The following FOXP2 variants were observed in gnomAD, a reference collection of about 807,000 sequenced individuals.
FOXP2 encodes the protein forkhead box P2.
A neutral mutation model predicts 115.8 loss-of-function variants in FOXP2; 12 were observed. The observed-to-expected ratio is 0.10, with a 90% CI of 0.07 to 0.17. The LOEUF (loss-of-function observed/expected upper bound fraction) is 0.17, where lower values mean the gene tolerates loss of function less well. Among genes scored for constraint, FOXP2 ranks in the 10% least tolerant of loss-of-function variants. The pLI is 1.00. For missense variants in FOXP2, 629 were observed against 843.5 expected, an observed-to-expected ratio of 0.75 and a Z score of 3.15; for synonymous variants, 328 against 297.7, an observed-to-expected ratio of 1.10 and a Z score of -1.05.
chr7:114,271,557 A>G (rs1222715006), intron 1 of FOXP2, among the ~76,000 whole-genome samples: 1 of 127,946 alleles, frequency 7.8e-6, no homozygotes, highest in Non-Finnish European at 1.6e-5. Flanking sequence ...ATTATAATAT[A>G]TAATATATAA....
At position 114,275,967 on chromosome 7, in the gene FOXP2, G is replaced by A. The variant is rs577552660; in HGVS notation, c.-101-12052G>A. 5.3e-4 allele frequency among the ~76,000 whole-genome samples: 81 copies of A among 152,244 alleles called. 1 individual carries two copies. Among genetic ancestry groups the A allele is most frequent in the South Asian group, 3.3e-3 (16 of 4,822 alleles). On this transcript the variant is annotated intron_variant, in intron 1 of 17. Coordinates refer to the FOXP2 transcript ENST00000634411. ...TAGGTGGGAGAGGATGGCTAGCTTG[G>A]GTTGGAGCTGGGCATTTCTTCTCTT...
At chr7:114,460,939 C>T (rs1437026270) in intron 2 of FOXP2, among the ~76,000 whole-genome samples, 2 of 152,184 alleles carry the variant, frequency 1.3e-5, no homozygotes, top group Admixed American at 6.5e-5. Flanking sequence ...CGAATCTTTA[C>T]CATCCCTCCT....
chr7:114,142,269 G>A (rs1357160370), intron 1 of FOXP2, among the ~76,000 whole-genome samples: 7 of 152,094 alleles, frequency 4.6e-5, no homozygotes, highest in South Asian at 2.1e-4. Context: ...TGATCCACCC[G>A]CCTTGGCCTC....
chr7:114,503,977 A>G (rs1299672052), intron 2 of FOXP2, among the ~76,000 whole-genome samples: 1 of 151,684 alleles, frequency 6.6e-6, no homozygotes, highest in Non-Finnish European at 1.5e-5. Flanking sequence ...GCATTAAGAA[A>G]AATGTGGACT....
intron 2 of FOXP2, among the ~76,000 whole-genome samples, chr7:114,483,532 T>C (rs144176098): frequency 7.9e-5 from 12 of 151,838 alleles, no homozygotes; most frequent in African/African-American, 2.9e-4. Flanking sequence ...TTCATTCATA[T>C]ATCCCAACTC....
At chr7:114,437,235 TC>T (rs971040475) in intron 2 of FOXP2, among the ~76,000 whole-genome samples, 15 of 152,154 alleles carry the variant, frequency 9.9e-5, no homozygotes, top group African/African-American at 3.4e-4. Flanking sequence ...TTTAAGTGTT[TC>T]TTTATTTTCA....
At chr7:114,344,868 C>T (rs899084158) in intron 2 of FOXP2, among the ~76,000 whole-genome samples, 8 of 151,596 alleles carry the variant, frequency 5.3e-5, no homozygotes, top group Admixed American at 4.0e-4. Flanking sequence ...AAATTTTACA[C>T]GATCTAGTGG....
At chr7:114,284,214 C>G (rs1796408666) in intron 1 of FOXP2, among the ~76,000 whole-genome samples, 1 of 151,962 alleles carries the variant, frequency 6.6e-6, no homozygotes, top group Non-Finnish European at 1.5e-5. Flanking sequence ...GCAGAGTTAT[C>G]TGACTGCCTA....
intron 6 of FOXP2, among the ~76,000 whole-genome samples, chr7:114,638,370 A>C (rs2129331217): frequency 6.6e-6 from 1 of 152,314 alleles, no homozygotes; most frequent in Admixed American, 6.5e-5. Context: ...GATCTCTTAG[A>C]TTAACAGCAT....
chr7:114,244,881 CCTCCCGAGTAG>C (rs1238152906), intron 1 of FOXP2, among the ~76,000 whole-genome samples: 1 of 151,942 alleles, frequency 6.6e-6, no homozygotes, highest in Non-Finnish European at 1.5e-5. Flanking sequence ...CCTGCCTCAG[CCTCCCGAGTAG>C]CTAGGACTAC....
At chr7:114,297,372 T>G in intron 2 of FOXP2, 1 of 720,194 alleles carries the variant, frequency 1.4e-6, no homozygotes. Flanking sequence ...GCTCACGTTC[T>G]TGGTCACCTT....
At chr7:114,437,218 C>T (rs1382895916) in intron 2 of FOXP2, among the ~76,000 whole-genome samples, 2 of 152,056 alleles carry the variant, frequency 1.3e-5, no homozygotes, top group East Asian at 1.9e-4. Flanking sequence ...AAGTGATTTA[C>T]GTGTGATTTA....
intron 2 of FOXP2, among the ~76,000 whole-genome samples, chr7:114,299,148 G>T (rs1796818766): frequency 6.6e-6 from 1 of 151,958 alleles, no homozygotes; most frequent in African/African-American, 2.4e-5. Context: ...AAAATATACT[G>T]CTCAAGGTAA....
intron 3 of FOXP2, among the ~76,000 whole-genome samples, chr7:114,537,402 A>G (rs1476337778): frequency 6.6e-6 from 1 of 151,588 alleles, no homozygotes; most frequent in Non-Finnish European, 1.5e-5. Context: ...ATTTTGAAGT[A>G]TAGTTTTGAT....
intron 3 of FOXP2, among the ~76,000 whole-genome samples, chr7:114,590,468 C>G (rs1277793437): frequency 1.3e-5 from 2 of 152,094 alleles, no homozygotes; most frequent in Non-Finnish European, 2.9e-5. Context: ...GTGATACAAG[C>G]TTTTCTCTTG....
chr7:114,145,979 T>G (rs898518843), intron 1 of FOXP2, among the ~76,000 whole-genome samples: 1 of 152,220 alleles, frequency 6.6e-6, no homozygotes, highest in African/African-American at 2.4e-5. Flanking sequence ...TATGTTTCTA[T>G]CTGTATTCTA....
intron 2 of FOXP2, among the ~76,000 whole-genome samples, chr7:114,345,394 A>G (rs571098198): frequency 6.6e-6 from 1 of 151,954 alleles, no homozygotes; most frequent in East Asian, 1.9e-4. Flanking sequence ...ATTTACTGTT[A>G]TTCTATACCC....
intron 2 of FOXP2, among the ~76,000 whole-genome samples, chr7:114,315,867 C>T (rs1797264854): frequency 6.6e-6 from 1 of 152,146 alleles, no homozygotes; most frequent in African/African-American, 2.4e-5. Flanking sequence ...ATTGTTGCCT[C>T]ACTATAGCCA....
At chr7:114,288,755 T>G (rs545014174) in intron 2 of FOXP2, among the ~76,000 whole-genome samples, 1 of 152,034 alleles carries the variant, frequency 6.6e-6, no homozygotes, top group East Asian at 1.9e-4. Context: ...TCAGTTTCAC[T>G]GTTGAACTGT....
Sources: gnomAD v4.1 joint callset for allele counts (sites outside exome capture counted in the v4.1 genomes callset) on GRCh38, gnomAD v4.1.1 for gene constraint, MANE v1.5 for transcripts, NCBI Gene and HGNC (gene_info 2026-07-23, HGNC 2026-07-21) for gene names.